The following ANKRD29 variants were observed in gnomAD, a reference collection of about 807,000 sequenced individuals.
ANKRD29 encodes ankyrin repeat domain-containing protein 29.
ANKRD29 carries 32 observed loss-of-function variants against 38.0 expected under a neutral mutation model. That is an observed-to-expected ratio of 0.84 (90% CI 0.64 to 1.13). The LOEUF (loss-of-function observed/expected upper bound fraction) is 1.13. Ranked by LOEUF, ANKRD29 falls within the 50% of genes most tolerant of loss-of-function variation. The pLI, the probability that ANKRD29 is intolerant of heterozygous loss-of-function variation, is 0.00. For missense variants in ANKRD29, 357 were observed against 377.9 expected, an observed-to-expected ratio of 0.94 and a Z score of 0.46; for synonymous variants, 135 against 152.4, an observed-to-expected ratio of 0.89 and a Z score of 0.84.
At chr18:23,627,848 C>T (rs779561284) in intron 6 of ANKRD29, among the ~76,000 whole-genome samples, 7 of 152,078 alleles carry the variant, frequency 4.6e-5, no homozygotes, top group African/African-American at 1.7e-4. Context: ...AATCAATCAA[C>T]AATAACAAAA....
intron 9 of ANKRD29, among the ~76,000 whole-genome samples, chr18:23,611,401 TG>T (rs1342270871): frequency 6.6e-6 from 1 of 152,114 alleles, no homozygotes; most frequent in Non-Finnish European, 1.5e-5. Context: ...TGATAACCAC[TG>T]GCCGGGCGTG....
At chr18:23,649,015 C>T (rs1489929636) in intron 2 of ANKRD29, 68 bp downstream of exon 2, 1 of 1,286,562 alleles carries the variant, frequency 7.8e-7, no homozygotes, top group Non-Finnish European at 1.1e-6. Context: ...GAATGTATTC[C>T]TGAGGTGCTC....
intron 4 of ANKRD29, among the ~76,000 whole-genome samples, chr18:23,637,232 T>G (rs569262738): frequency 6.6e-6 from 1 of 152,348 alleles, no homozygotes; most frequent in Non-Finnish European, 1.5e-5. Flanking sequence ...CTATTTTTAG[T>G]TATCACTTTT....
At chr18:23,603,647 AC>A (rs1196068632) in intron 9 of ANKRD29, among the ~76,000 whole-genome samples, 4 of 152,150 alleles carry the variant, frequency 2.6e-5, no homozygotes, top group Admixed American at 2.6e-4. Flanking sequence ...AAACAAACAA[AC>A]AAAAAAACTG....
chr18:23,616,015 T>G (rs2059710139), intron 8 of ANKRD29, among the ~76,000 whole-genome samples: 1 of 150,370 alleles, frequency 6.7e-6, no homozygotes, highest in Non-Finnish European at 1.5e-5. Context: ...TATGTATGTA[T>G]GCATACTCTA....
intron 9 of ANKRD29, among the ~76,000 whole-genome samples, chr18:23,607,591 G>A (rs1171553545): frequency 1.3e-5 from 2 of 152,176 alleles, no homozygotes; most frequent in African/African-American, 4.8e-5. Flanking sequence ...TTCAAATCAT[G>A]TTGTCAAGTT....
chr18:23,661,983 C>A (rs1444398493), intron 1 of ANKRD29, among the ~76,000 whole-genome samples: 1 of 149,538 alleles, frequency 6.7e-6, no homozygotes, highest in Non-Finnish European at 1.5e-5. Context: ...GCTGCAAAAC[C>A]GTGGGTGAGT....
At chr18:23,622,316 G>A (rs904388471) in intron 6 of ANKRD29, among the ~76,000 whole-genome samples, 5 of 152,132 alleles carry the variant, frequency 3.3e-5, no homozygotes, top group African/African-American at 1.2e-4. Context: ...GTGGGACCCT[G>A]GAAGGCAGGA....
At chr18:23,648,678 T>C in intron 2 of ANKRD29, 1 of 390,758 alleles carries the variant, frequency 2.6e-6, no homozygotes, top group Non-Finnish European at 4.5e-6. Flanking sequence ...GAGGCTTCAA[T>C]TTTTGTTTTC....
At chr18:23,631,948 A>G (rs190517348) in intron 5 of ANKRD29, among the ~76,000 whole-genome samples, 1 of 152,294 alleles carries the variant, frequency 6.6e-6, no homozygotes, top group Non-Finnish European at 1.5e-5. Context: ...ACCCTAGAGG[A>G]AAACACCTAG....
intron 9 of ANKRD29, among the ~76,000 whole-genome samples, chr18:23,606,711 T>A (rs1351990423): frequency 6.6e-6 from 1 of 152,132 alleles, no homozygotes; most frequent in East Asian, 1.9e-4. Flanking sequence ...CAGAAGGACT[T>A]TCTTGTGGCC....
intron 5 of ANKRD29, among the ~76,000 whole-genome samples, chr18:23,632,708 T>G (rs987943536): frequency 6.6e-6 from 1 of 152,020 alleles, no homozygotes; most frequent in African/African-American, 2.4e-5. Flanking sequence ...CTCAAAATAG[T>G]ATTTTTTTAA....
chr18:23,638,037 GC>G (rs1219118654), intron 4 of ANKRD29, among the ~76,000 whole-genome samples: 1 of 116,326 alleles, frequency 8.6e-6, no homozygotes, highest in Non-Finnish European at 1.6e-5. Context: ...TCACTCTGTC[GC>G]CCAGGCTGGA....
At chr18:23,633,291 A>G (rs779248947) in intron 5 of ANKRD29, among the ~76,000 whole-genome samples, 4 of 152,180 alleles carry the variant, frequency 2.6e-5, no homozygotes, top group African/African-American at 7.2e-5. Context: ...GTCTTCATCC[A>G]TCCAACCTCA....
chr18:23,636,829 C>A (rs2060009291), intron 4 of ANKRD29, among the ~76,000 whole-genome samples: 1 of 152,212 alleles, frequency 6.6e-6, no homozygotes, highest in African/African-American at 2.4e-5. Context: ...CTGCCTCAGC[C>A]TCCCAAAGTG....
chr18:23,661,753 C>T (rs1465446708), intron 1 of ANKRD29, among the ~76,000 whole-genome samples: 1 of 152,192 alleles, frequency 6.6e-6, no homozygotes, highest in Non-Finnish European at 1.5e-5. Context: ...CTGCTTCGTT[C>T]CATTCTCACC....
chr18:23,644,006 A>T (rs183227941), intron 3 of ANKRD29, among the ~76,000 whole-genome samples: 5 of 152,356 alleles, frequency 3.3e-5, no homozygotes, highest in Admixed American at 3.3e-4. Flanking sequence ...CCCCAGACTG[A>T]CACAGTCTCA....
At chr18:23,613,957 C>T (rs2059678684) in intron 8 of ANKRD29, among the ~76,000 whole-genome samples, 1 of 152,136 alleles carries the variant, frequency 6.6e-6, no homozygotes, top group Non-Finnish European at 1.5e-5. Flanking sequence ...GTCTTGAACT[C>T]CTGACCTCAG....
rs112883885 is a variant in ANKRD29, at chr18:23,619,549, G to T, written c.609C>A (p.Asp203Glu). ...CACTCACGTTCCGCGCAGCGTCGCGGTCGGCTCCGCGCAGCAGCATCACCC... is the reference window on the plus strand; with the variant it reads ...CACTCACGTTCCGCGCAGCGTCGCGTTCGGCTCCGCGCAGCAGCATCACCC... ...VVRVMLLRGA[D>E]RDAARNDGTT... The change falls in exon 7 of 10, where the codon GAC (aspartate) becomes GAA (glutamate). Residue 203 changes from aspartate (D) to glutamate (E), a missense_variant. Physicochemically the swap from Asp to Glu is conservative, Grantham distance 45. Transcript: ENST00000592179. The T allele has an allele frequency of 2.5e-6, 4 of 1,594,072 alleles. No individual in the cohort carries two copies. The African/African-American group carries it at 4.0e-5, about 16-fold the overall frequency.
Sources: allele counts gnomAD v4.1 joint callset (sites outside exome capture counted in the v4.1 genomes callset), GRCh38; gene constraint gnomAD v4.1.1; transcripts MANE v1.5; gene names NCBI Gene and HGNC (gene_info 2026-07-23, HGNC 2026-07-21).